The following NR5A2 variants were observed in gnomAD, a reference collection of about 807,000 sequenced individuals.
The protein encoded by NR5A2 is nuclear receptor subfamily 5 group A member 2.
Under a neutral mutation model 62.7 loss-of-function variants are expected in NR5A2, and 26 were observed. The ratio of observed to expected loss-of-function variants is 0.41; its 90% confidence interval spans 0.30 to 0.58. The LOEUF is 0.58. NR5A2 is among the 20% of genes least tolerant of loss of function. The probability of loss-of-function intolerance (pLI) is 0.22; values close to 1 mark genes in which losing one functional copy is unlikely to be tolerated. For synonymous variants in NR5A2, 246 were observed against 241.7 expected (o/e 1.02, Z -0.16); for missense variants, 541 against 669.1 (o/e 0.81, Z 2.11).
intron 7 of NR5A2, among the ~76,000 whole-genome samples, chr1:200,123,315 C>G (rs1666558558): frequency 6.6e-6 from 1 of 152,160 alleles, no homozygotes; most frequent in Non-Finnish European, 1.5e-5. Context: ...GATGTGGTCC[C>G]AAGCGGGTGC....
At chr1:200,101,561 A>G (rs892470161) in intron 5 of NR5A2, among the ~76,000 whole-genome samples, 1 of 152,202 alleles carries the variant, frequency 6.6e-6, no homozygotes, top group Non-Finnish European at 1.5e-5. Context: ...CAGGAGTGGC[A>G]GAGACCTCCT....
At position 200,048,399 on chromosome 1, in the gene NR5A2, C is replaced by A. The variant is rs1156491797; in HGVS notation, c.691C>A (p.Pro231Thr). 6.2e-7 allele frequency: 1 copy of A among 1,614,108 alleles called. No individual in the cohort carries two copies. Among genetic ancestry groups the A allele is most frequent in the Non-Finnish European group, 8.5e-7 (1 of 1,180,048 alleles). ...CCTACCTCTGAACCATGCTGCCTTG[C>A]CTCCTACAGACTATGACAGAAGTCC... The part of the protein sequence containing the change: ...KGLPLNHAAL[P>T]PTDYDRSPFV... Residue 231 changes from proline to threonine, a missense_variant, in exon 5 of 8, where the codon CCT becomes ACT. Around this residue, in one of 3 missense-constraint regions of NR5A2, gnomAD observed 379 missense variants for 442.0 expected, o/e 0.86. Transcript: ENST00000367362. The surrounding 1 kb of genome is among the most constrained non-coding windows in gnomAD (Gnocchi z 4.8).
intron 5 of NR5A2, among the ~76,000 whole-genome samples, chr1:200,076,550 A>G (rs1317237663): frequency 1.3e-5 from 2 of 151,366 alleles, no homozygotes; most frequent in Non-Finnish European, 2.9e-5. Context: ...ACTTACTATT[A>G]TAGTATCTTT....
Position 200,048,547 on chromosome 1 carries a change from C to T in NR5A2, c.839C>T (p.Ser280Leu). The T allele has an allele frequency of 6.2e-7, 1 of 1,614,174 alleles. No individual in the cohort carries two copies. Among genetic ancestry groups the T allele is most frequent in the Non-Finnish European group, 8.5e-7 (1 of 1,180,040 alleles). Residue 280 changes from serine (S) to leucine (L), a missense_variant, in exon 5 of 8, where the codon TCA (serine) becomes TTA (leucine). Coordinates refer to ENST00000367362, the MANE Select transcript of NR5A2 (RefSeq NM_205860.3). This position sits in a 1 kb window ranked among gnomAD's most constrained non-coding sequence, Gnocchi z 4.8. ...KSEYPDPYTS[S>L]PESIMGYSYM... ...GAGTACCCAGACCCCTATACCAGCT[C>T]ACCCGAGTCCATAATGGGCTATTCA...
At chr1:200,160,695 C>T (rs548157626) in intron 7 of NR5A2, among the ~76,000 whole-genome samples, 2 of 151,314 alleles carry the variant, frequency 1.3e-5, no homozygotes, top group South Asian at 4.2e-4. Context: ...TTTCCTCATT[C>T]GATTAGCTGG....
intron 5 of NR5A2, among the ~76,000 whole-genome samples, chr1:200,100,157 G>A (rs1453335484): frequency 6.6e-6 from 1 of 152,176 alleles, no homozygotes; most frequent in East Asian, 1.9e-4. Flanking sequence ...TGGAGAACAG[G>A]AAACAGGTAG....
chr1:200,175,938 T>C lies in NR5A2; in HGVS notation c.*1728T>C, dbSNP rs1042996665. 3 of 152,654 alleles carry C rather than the reference T, an allele frequency of 2.0e-5. No individual in the cohort carries two copies. The highest frequency in any genetic ancestry group is 7.2e-5 in the African/African-American group (3 of 41,468). The allele number at this position is 152,654 out of a possible 1,614,324, so 9.5% of individuals were successfully genotyped here. A position where few individuals can be genotyped will look rare whatever the true frequency, so the allele number is the denominator to read the frequency against. ...ATATTGTATATCATACTTTCAACTGTAGACAATTATGATGCTAATTTATTG... is the reference window on the plus strand; with the variant it reads ...ATATTGTATATCATACTTTCAACTGCAGACAATTATGATGCTAATTTATTG... On this transcript the variant is annotated 3_prime_UTR_variant, in exon 8 of 8. Transcript: ENST00000367362.
At chr1:200,130,406 G>T (rs1313602004) in intron 7 of NR5A2, among the ~76,000 whole-genome samples, 2 of 151,644 alleles carry the variant, frequency 1.3e-5, no homozygotes, top group African/African-American at 4.8e-5. Context: ...TTCATTCACT[G>T]TAAGTCAGAA....
At chr1:200,067,117 G>A (rs576862670) in intron 5 of NR5A2, among the ~76,000 whole-genome samples, 1 of 152,280 alleles carries the variant, frequency 6.6e-6, no homozygotes, top group South Asian at 2.1e-4. Context: ...AGACAGAGGG[G>A]TATAACTAAG....
At chr1:200,075,777 A>G (rs754743779) in intron 5 of NR5A2, among the ~76,000 whole-genome samples, 17 of 152,138 alleles carry the variant, frequency 1.1e-4, no homozygotes, top group Non-Finnish European at 1.8e-4. Flanking sequence ...TGAGGTGAGG[A>G]TGTTCTAGTC....
At chr1:200,094,524 CTTTTTTTTTTTT>C (rs373809748) in intron 5 of NR5A2, among the ~76,000 whole-genome samples, 3 of 59,802 alleles carry the variant, frequency 5.0e-5, no homozygotes, top group East Asian at 5.6e-4. Flanking sequence ...TTAAATGCCA[CTTTTTTTTTTTT>C]TTTTTTTTTT....
chr1:200,050,988 C>A (rs1351745393), intron 5 of NR5A2, among the ~76,000 whole-genome samples: 1 of 152,122 alleles, frequency 6.6e-6, no homozygotes, highest in Non-Finnish European at 1.5e-5. Context: ...CAAAACAATG[C>A]AATTATAGTC....
intron 5 of NR5A2, among the ~76,000 whole-genome samples, chr1:200,105,598 A>G (rs1665613189): frequency 6.6e-6 from 1 of 152,236 alleles, no homozygotes; most frequent in Non-Finnish European, 1.5e-5. Context: ...ATTAGTTCAT[A>G]TCTACTTAAA....
At chr1:200,098,651 G>T (rs1269213545) in intron 5 of NR5A2, among the ~76,000 whole-genome samples, 1 of 151,948 alleles carries the variant, frequency 6.6e-6, no homozygotes, top group African/African-American at 2.4e-5. Flanking sequence ...AAATGATGTA[G>T]TTGAACGAAA....
rs1654420349 is a variant in NR5A2, at chr1:200,176,382, T to A, written c.*2172T>A. ...AAGCTGGGCGTTGACTCATGCGCAG[T>A]CTCAGTCACCCGTGTTATCTTCGTG... On this transcript the variant is annotated 3_prime_UTR_variant, in exon 8 of 8. Coordinates refer to ENST00000367362, the MANE Select transcript of NR5A2 (RefSeq NM_205860.3). 6.6e-6 allele frequency: 1 copy of A among 152,630 alleles called. No individual in the cohort carries two copies. The highest frequency in any genetic ancestry group is 1.5e-5 in the Non-Finnish European group (1 of 68,050). 9.5% of individuals were successfully genotyped at this position (152,630 alleles called of 1,614,324 possible). A position where few individuals can be genotyped will look rare whatever the true frequency, so the allele number is the denominator to read the frequency against.
At position 200,048,511 on chromosome 1, in the gene NR5A2, C is replaced by A. The variant is rs770777886; in HGVS notation, c.803C>A (p.Ala268Asp). ...ACATATGGCCACTTTCCTAGCCGGG[C>A]CATCAAGTCTGAGTACCCAGACCCC... Reference protein sequence around the residue: ...YQTYGHFPSRAIKSEYPDPYT... With the variant: ...YQTYGHFPSRDIKSEYPDPYT... Residue 268 changes from alanine to aspartate, a missense_variant, in exon 5 of 8, where the codon GCC (alanine) becomes GAC (aspartate). Transcript: ENST00000367362. The surrounding 1 kb of genome is among the most constrained non-coding windows in gnomAD (Gnocchi z 4.8). 1 of 1,614,206 alleles carries A rather than the reference C, an allele frequency of 6.2e-7. No homozygotes were observed. Among genetic ancestry groups the A allele is most frequent in the African/African-American group, 1.3e-5 (1 of 75,052 alleles).
At chr1:200,137,307 C>T (rs1380057812) in intron 7 of NR5A2, among the ~76,000 whole-genome samples, 2 of 150,838 alleles carry the variant, frequency 1.3e-5, no homozygotes, top group Admixed American at 6.6e-5. Flanking sequence ...CACACCACCA[C>T]ACCTGGCTAA....
chr1:200,073,257 TA>T (rs1663827079), intron 5 of NR5A2, among the ~76,000 whole-genome samples: 1 of 101,528 alleles, frequency 9.8e-6, no homozygotes, highest in African/African-American at 4.6e-5. Context: ...TATATATATA[TA>T]TATTCCCCTT....
At position 200,115,027 on chromosome 1, in the gene NR5A2, ATG is replaced by A. The variant is rs1255734062; in HGVS notation, c.1230+3707_1230+3708del. ...TCATTTCCTTTTTTATTGAGACTAA[ATG>A]GATATGCTTTTTTTGTGGTTTAGTT... On this transcript the variant is annotated intron_variant, in intron 6 of 7. Transcript: ENST00000367362. Among the ~76,000 whole-genome samples, 6 of 129,850 alleles carry A rather than the reference ATG, an allele frequency of 4.6e-5. No homozygotes were observed. In the East Asian group the frequency reaches 1.7e-3, roughly 38 times the overall value. The allele number at this position is 129,850 out of a possible 152,430, so 85.2% of individuals were successfully genotyped here. A position where few individuals can be genotyped will look rare whatever the true frequency, so the allele number is the denominator to read the frequency against.
Sources: allele counts gnomAD v4.1 joint callset (sites outside exome capture counted in the v4.1 genomes callset), GRCh38; gene constraint gnomAD v4.1.1; regional missense constraint gnomAD v4.1.1; non-coding constraint Gnocchi (gnomAD v3.1); transcripts MANE v1.5; gene names NCBI Gene and HGNC (gene_info 2026-07-23, HGNC 2026-07-21).